The following WDR19 variants were observed in gnomAD, a reference collection of about 807,000 sequenced individuals.
The protein encoded by WDR19 is WD repeat domain 19.
In WDR19, 121 loss-of-function variants were observed where a neutral mutation model predicts 180.0. The observed-to-expected ratio is 0.67, with a 90% confidence interval of 0.58 to 0.78. The LOEUF is 0.78. WDR19 is among the 30% of genes least tolerant of loss of function. The pLI is 0.00. For missense variants in WDR19, 1,450 were observed against 1,640.7 expected (o/e 0.88, Z 2.01); for synonymous variants, 497 against 540.7 (o/e 0.92, Z 1.12).
At chr4:39,200,503 G>A (rs1727257567) in intron 6 of WDR19, among the ~76,000 whole-genome samples, 1 of 152,134 alleles carries the variant, frequency 6.6e-6, no homozygotes, top group Non-Finnish European at 1.5e-5. Context: ...TGTTGACAGG[G>A]TTCAGTTCCT....
intron 24 of WDR19, among the ~76,000 whole-genome samples, chr4:39,248,435 C>A (rs1732771958): frequency 6.6e-6 from 1 of 152,198 alleles, no homozygotes; most frequent in South Asian, 2.1e-4. Flanking sequence ...TAGGAAGAAA[C>A]TGCATCAACT....
intron 33 of WDR19, 71 bp downstream of exon 33, chr4:39,275,029 T>C (rs1735765264): frequency 1.3e-6 from 2 of 1,563,072 alleles, no homozygotes; most frequent in Admixed American, 3.8e-5. Flanking sequence ...TAGCTGCCAG[T>C]GTGCAAGCTC....
rs754949027 is a variant in WDR19 at position 39,185,757 on chromosome 4, T to G, written c.38T>G (p.Leu13Arg). The G allele has an allele frequency of 6.4e-7, 1 of 1,559,374 alleles. No individual in the cohort carries two copies. Among genetic ancestry groups the G allele is most frequent in the South Asian group, 1.2e-5 (1 of 84,454 alleles). The stretch of plus-strand genomic sequence containing the variant: ...TTCTCACTGCTAGAAAAGACTTGGC[T>G]TGGCGCACCAATACAGTTTGCCTGG... The part of the protein sequence containing the change: ...RIFSLLEKTW[L>R]GAPIQFAWQK... Residue 13 changes from leucine (L) to arginine (R), a missense_variant, in exon 2 of 37, where the codon CTT becomes CGT. Transcript: ENST00000399820.
chr4:39,256,434 G>T (rs1224312693), intron 27 of WDR19, among the ~76,000 whole-genome samples: 1 of 152,188 alleles, frequency 6.6e-6, no homozygotes, highest in Admixed American at 6.5e-5. Flanking sequence ...ACTACTGAAT[G>T]GCACATGTCT....
At chr4:39,267,285 C>T (rs922050657) in intron 29 of WDR19, among the ~76,000 whole-genome samples, 1 of 152,138 alleles carries the variant, frequency 6.6e-6, no homozygotes, top group African/African-American at 2.4e-5. Flanking sequence ...TGATTGGAAA[C>T]GAGGGCAATA....
chr4:39,190,247 C>A (rs953019184), intron 4 of WDR19, among the ~76,000 whole-genome samples: 20 of 152,300 alleles, frequency 1.3e-4, no homozygotes, highest in African/African-American at 4.8e-4. Flanking sequence ...TTGACATCAC[C>A]AGAGCCCATT....
rs372822923 is a variant in WDR19, at chr4:39,268,105, A to G, written c.3358+14A>G. 1.1e-5 allele frequency: 17 copies of G among 1,559,242 alleles called. No homozygotes were observed. The African/African-American group carries it at 2.3e-4, about 21-fold the overall frequency. On this transcript the variant is annotated intron_variant, in intron 30 of 36. Coordinates refer to ENST00000399820, the MANE Select transcript of WDR19 (RefSeq NM_025132.4). ...AGCAGTCTGCAGGTAGGTCCGTGAT[A>G]CGTATGTGTTACTTCCCAAGCAGGC...
chr4:39,243,407 A>G (rs1391211593), intron 21 of WDR19, among the ~76,000 whole-genome samples: 2 of 152,158 alleles, frequency 1.3e-5, no homozygotes, highest in Non-Finnish European at 2.9e-5. Flanking sequence ...GGTGAAGTTG[A>G]GCGTGTTTTT....
chr4:39,266,206 T>A, intron 29 of WDR19, 66 bp downstream of exon 29: 4 of 1,393,078 alleles, frequency 2.9e-6, no homozygotes, highest in Non-Finnish European at 2.9e-6. Flanking sequence ...TGCCTGTTTT[T>A]ACCCATCATG....
At chr4:39,269,798 T>A (rs1304826774) in intron 30 of WDR19, among the ~76,000 whole-genome samples, 178 bp from the exon 31 acceptor site, 1 of 152,176 alleles carries the variant, frequency 6.6e-6, no homozygotes, top group Non-Finnish European at 1.5e-5. Context: ...AGCGAGACCC[T>A]ATCTCTGACA....
intron 24 of WDR19, 121 bp from the exon 25 acceptor site, chr4:39,253,025 A>T (rs1733396573): frequency 4.3e-6 from 4 of 939,898 alleles, no homozygotes; most frequent in Non-Finnish European, 6.0e-6. Flanking sequence ...AAGGAAAAAG[A>T]AGTTCAGGAA....
chr4:39,197,385 C>T (rs1726853718), intron 5 of WDR19, among the ~76,000 whole-genome samples: 1 of 147,508 alleles, frequency 6.8e-6, no homozygotes, highest in Non-Finnish European at 1.5e-5. Context: ...GAGATTACAC[C>T]ACTGCACTCC....
chr4:39,232,209 C>T lies in WDR19; in HGVS notation c.2190C>T (p.Thr730=), dbSNP rs1359963487. The T allele has an allele frequency of 1.2e-6, 2 of 1,613,482 alleles. No individual in the cohort carries two copies. The highest frequency in any genetic ancestry group is 1.1e-5 in the South Asian group (1 of 91,052). The change falls in exon 19 of 37, where the codon ACC becomes ACT. Residue 730 remains threonine (T), a synonymous_variant. Transcript: ENST00000399820. ...TGGCAGGACACCTTGCCATGTTTAC[C>T]AACGATTATAACCTGGCTCAGGACT... ...NLLAGHLAMF[T]NDYNLAQDLY... is the part of the protein sequence containing the mutation.
intron 6 of WDR19, among the ~76,000 whole-genome samples, chr4:39,201,695 G>A (rs1727390695): frequency 6.6e-6 from 1 of 152,044 alleles, no homozygotes; most frequent in South Asian, 2.1e-4. Context: ...CCTCTCTTGT[G>A]TCCATATCAG....
At chr4:39,208,111 T>C (rs771594238) in intron 9 of WDR19, among the ~76,000 whole-genome samples, 5 of 151,822 alleles carry the variant, frequency 3.3e-5, no homozygotes, top group Non-Finnish European at 7.4e-5. Context: ...CAAAGAAATA[T>C]ACAAAAGCAC....
At chr4:39,256,246 T>A (rs1409234603) in intron 27 of WDR19, among the ~76,000 whole-genome samples, 3 of 152,244 alleles carry the variant, frequency 2.0e-5, no homozygotes, top group Non-Finnish European at 4.4e-5. Context: ...TTATTTTTCC[T>A]GTTTTTAGTT....
intron 32 of WDR19, chr4:39,273,347 G>T: frequency 2.5e-6 from 1 of 402,412 alleles, no homozygotes; most frequent in African/African-American, 2.1e-5. Flanking sequence ...AGCAGGTGCA[G>T]GCACGGACCT....
intron 36 of WDR19, among the ~76,000 whole-genome samples, chr4:39,279,700 C>CTT (rs3068583): frequency 2.0e-5 from 2 of 100,090 alleles, no homozygotes; most frequent in African/African-American, 7.5e-5. Flanking sequence ...GTCTGCCTTA[C>CTT]TTTTTTTTTT....
chr4:39,275,918 A>T (rs78697264), intron 33 of WDR19, among the ~76,000 whole-genome samples: 2,581 of 152,332 alleles, frequency 0.017, 56 homozygotes, highest in Non-Finnish European at 0.023. Context: ...GCCCTTAGGC[A>T]CGTCCTTGCT....
Sources: gnomAD v4.1 joint callset for allele counts (sites outside exome capture counted in the v4.1 genomes callset) on GRCh38, gnomAD v4.1.1 for gene constraint, MANE v1.5 for transcripts, NCBI Gene and HGNC (gene_info 2026-07-23, HGNC 2026-07-21) for gene names.